Variants in MAGI1 observed in about 807,000 individuals in gnomAD.
The protein encoded by MAGI1 is membrane-associated guanylate kinase, WW and PDZ domain-containing protein 1.
Under a neutral mutation model 139.9 loss-of-function variants are expected in MAGI1, and 58 were observed. That is an observed-to-expected ratio of 0.41 (90% CI 0.34 to 0.52). The LOEUF is 0.52. Ranked by LOEUF, MAGI1 falls within the 20% of genes least tolerant of loss-of-function variation. The pLI, the probability that MAGI1 is intolerant of heterozygous loss-of-function variation, is 0.12. For missense variants in MAGI1, 1,874 were observed against 1,901.6 expected, an observed-to-expected ratio of 0.99 and a Z score of 0.27; for synonymous variants, 812 against 737.9, an observed-to-expected ratio of 1.10 and a Z score of -1.63.
At chr3:65,416,033 C>A (rs1460819359) in intron 12 of MAGI1, among the ~76,000 whole-genome samples, 1 of 152,282 alleles carries the variant, frequency 6.6e-6, no homozygotes, top group Non-Finnish European at 1.5e-5. Flanking sequence ...AGTAACTACA[C>A]AGAATGCAAG....
intron 1 of MAGI1, among the ~76,000 whole-genome samples, chr3:65,939,168 T>C (rs1202024263): frequency 4.6e-5 from 7 of 152,342 alleles, no homozygotes; most frequent in African/African-American, 1.4e-4. Flanking sequence ...AAATAAATTC[T>C]TTTGAAGTTA....
intron 2 of MAGI1, among the ~76,000 whole-genome samples, chr3:65,571,708 TA>T (rs1358115795): frequency 6.6e-6 from 1 of 151,806 alleles, no homozygotes; most frequent in African/African-American, 2.4e-5. Context: ...GAGCCATGCG[TA>T]ACAGGACAAC....
intron 1 of MAGI1, among the ~76,000 whole-genome samples, chr3:65,659,277 C>CT (rs2086057223): frequency 6.6e-6 from 1 of 152,026 alleles, no homozygotes; most frequent in Non-Finnish European, 1.5e-5. Flanking sequence ...ATGGAAAATT[C>CT]CAGGGAGTAA....
intron 1 of MAGI1, among the ~76,000 whole-genome samples, chr3:65,774,489 T>A (rs2038207918): frequency 6.6e-6 from 1 of 152,210 alleles, no homozygotes; most frequent in Admixed American, 6.5e-5. Flanking sequence ...TTATTTTGAA[T>A]GTCCAGGTTT....
At chr3:65,741,724 C>T (rs567795443) in intron 1 of MAGI1, among the ~76,000 whole-genome samples, 2 of 152,200 alleles carry the variant, frequency 1.3e-5, no homozygotes, top group East Asian at 1.9e-4. Flanking sequence ...GAGGAATATA[C>T]CCTAGGATCA....
intron 1 of MAGI1, chr3:65,875,032 A>G (rs1482208354): frequency 1.3e-5 from 2 of 152,662 alleles, no homozygotes; most frequent in East Asian, 1.9e-4. Context: ...AGCCTGGACA[A>G]CACAGCAATA....
intron 1 of MAGI1, among the ~76,000 whole-genome samples, chr3:65,660,334 C>T (rs2086125326): frequency 6.6e-6 from 1 of 152,220 alleles, no homozygotes; most frequent in Non-Finnish European, 1.5e-5. Flanking sequence ...GACAGATAGA[C>T]ATTAAATGCA....
At position 65,857,005 on chromosome 3, in the gene MAGI1, C is replaced by T. The variant is rs140035636; in HGVS notation, c.313+180991G>A. On this transcript the variant is annotated intron_variant, in intron 1 of 22. Coordinates refer to ENST00000402939, the MANE Select transcript of MAGI1 (RefSeq NM_001033057.2). ...TCACATGAAAACCAATACACCCTGACGGCCCTGTTTACTTGACAGGAGTTG... is the reference window on the plus strand; with the variant it reads ...TCACATGAAAACCAATACACCCTGATGGCCCTGTTTACTTGACAGGAGTTG... Among the ~76,000 whole-genome samples, 26 of 152,326 alleles carry T rather than the reference C, an allele frequency of 1.7e-4. No homozygotes were observed. The East Asian group carries it at 4.2e-3, about 25-fold the overall frequency.
chr3:65,738,101 C>G (rs534470223), intron 1 of MAGI1, among the ~76,000 whole-genome samples: 1 of 152,322 alleles, frequency 6.6e-6, no homozygotes, highest in East Asian at 1.9e-4. Context: ...CAGGTTTGCA[C>G]TGACAGTGGC....
chr3:65,950,027 C>T (rs2063722012), intron 1 of MAGI1, among the ~76,000 whole-genome samples: 1 of 99,298 alleles, frequency 1.0e-5, no homozygotes, highest in East Asian at 3.7e-4. Flanking sequence ...CCAGCCTGGG[C>T]AACAGAGCCA....
rs755984353 is a variant in MAGI1, at chr3:65,478,696, G to T, written c.653C>A (p.Thr218Asn). The T allele has an allele frequency of 2.5e-6, 4 of 1,613,930 alleles. No homozygotes were observed. Among genetic ancestry groups the T allele is most frequent in the Non-Finnish European group, 3.4e-6 (4 of 1,179,980 alleles). ...HSLQSGSKQSTPKRTKSYNDM... is the reference protein window; with the variant it reads ...HSLQSGSKQSNPKRTKSYNDM... ...ATTGTAGGACTTGGTTCGCTTCGGG[G>T]TCGACTGCTTAGAGCCAGACTGAAG... is the stretch of plus-strand genomic sequence containing the variant. Residue 218 changes from threonine to asparagine, a missense_variant, in exon 4 of 23, where the codon ACC becomes AAC. Thr to Asn is a moderately conservative substitution (Grantham distance 65). This residue lies in a region of MAGI1 where 648 missense variants were observed against 598.1 expected (regional missense o/e 1.08). Transcript: ENST00000402939.
At chr3:66,013,321 T>C (rs939007303) in intron 1 of MAGI1, among the ~76,000 whole-genome samples, 1 of 151,134 alleles carries the variant, frequency 6.6e-6, no homozygotes, top group Non-Finnish European at 1.5e-5. Context: ...GAGAATCACT[T>C]GTACCCAGGT....
At chr3:65,479,058 C>T (rs1038229409) in intron 3 of MAGI1, among the ~76,000 whole-genome samples, 1 of 152,146 alleles carries the variant, frequency 6.6e-6, no homozygotes, top group Non-Finnish European at 1.5e-5. Context: ...GGAGGCTATG[C>T]TGAATAGTAA....
At chr3:65,454,688 A>G (rs1381852503) in intron 5 of MAGI1, among the ~76,000 whole-genome samples, 3 of 151,452 alleles carry the variant, frequency 2.0e-5, no homozygotes, top group African/African-American at 7.3e-5. Flanking sequence ...GGGTTTGCCA[A>G]AGTTTTTTAT....
chr3:65,454,059 A>C (rs1273166434), intron 5 of MAGI1, among the ~76,000 whole-genome samples: 1 of 152,130 alleles, frequency 6.6e-6, no homozygotes, highest in Non-Finnish European at 1.5e-5. Flanking sequence ...CACATTCCCA[A>C]AGATATCGCC....
intron 1 of MAGI1, among the ~76,000 whole-genome samples, chr3:65,809,866 C>A (rs540114912): frequency 1.3e-5 from 2 of 152,252 alleles, no homozygotes; most frequent in Admixed American, 1.3e-4. Flanking sequence ...CTTCAAAATT[C>A]ACCTAGGCTC....
At chr3:65,440,209 C>G (rs1948178118) in intron 8 of MAGI1, among the ~76,000 whole-genome samples, 197 bp from the exon 9 acceptor site, 1 of 152,132 alleles carries the variant, frequency 6.6e-6, no homozygotes, top group Non-Finnish European at 1.5e-5. Context: ...GCACTAAGCA[C>G]TGGGCTACCA....
At chr3:65,776,680 C>T (rs1320449215) in intron 1 of MAGI1, among the ~76,000 whole-genome samples, 1 of 152,094 alleles carries the variant, frequency 6.6e-6, no homozygotes, top group African/African-American at 2.4e-5. Context: ...ATGACAGCAA[C>T]AGAAAACGGT....
At chr3:65,568,790 AG>A (rs1407939567) in intron 2 of MAGI1, among the ~76,000 whole-genome samples, 2 of 152,240 alleles carry the variant, frequency 1.3e-5, no homozygotes, top group East Asian at 3.9e-4. Context: ...CTTTCTAATT[AG>A]TCAAGCCTTT....
Sources: allele counts gnomAD v4.1 joint callset (sites outside exome capture counted in the v4.1 genomes callset), GRCh38; gene constraint gnomAD v4.1.1; regional missense constraint gnomAD v4.1.1; transcripts MANE v1.5; gene names NCBI Gene and HGNC (gene_info 2026-07-23, HGNC 2026-07-21).